DGKH: variants seen among roughly 807,000 people sequenced by gnomAD.
DGKH encodes the protein diacylglycerol kinase eta, also known as DAG kinase eta.
Under a neutral mutation model 159.3 loss-of-function variants are expected in DGKH, and 90 were observed. The observed-to-expected ratio is 0.57, with a 90% confidence interval of 0.48 to 0.67. The LOEUF (loss-of-function observed/expected upper bound fraction) is 0.67. Ranked by LOEUF, DGKH falls within the 30% of genes least tolerant of loss-of-function variation. The pLI is 0.00. For synonymous variants in DGKH, 536 were observed against 553.8 expected (o/e 0.97, Z 0.45); for missense variants, 1,181 against 1,506.1 (o/e 0.78, Z 3.57).
rs1325765735 is a variant in DGKH, at chr13:42,240,446, T to C, written c.*11258T>C. The C allele has an allele frequency of 6.6e-6, 1 of 152,268 alleles. No individual in the cohort carries two copies. The highest frequency in any genetic ancestry group is 6.5e-5 in the Admixed American group (1 of 15,288). 9.4% of individuals were successfully genotyped at this position (152,268 alleles called of 1,614,324 possible). On this transcript the variant is annotated 3_prime_UTR_variant, in exon 30 of 30. Transcript: ENST00000337343. ...CAAACTCTTATTTGTAATTCTTAAA[T>C]ATGCCCTAAAGATCATCTTTCTCTT...
chr13:42,043,654 A>T (rs1157162273), upstream of DGKH: 1 of 152,216 alleles, frequency 6.6e-6, no homozygotes, highest in Non-Finnish European at 1.5e-5. Context: ...AATATAGGCA[A>T]CTTAATGCTT....
At chr13:42,171,496 G>T (rs377379034) in intron 11 of DGKH, among the ~76,000 whole-genome samples, 1 of 152,070 alleles carries the variant, frequency 6.6e-6, no homozygotes, top group African/African-American at 2.4e-5. Flanking sequence ...ATTTCCTATC[G>T]AGTGGGGAGG....
chr13:42,052,718 A>G (rs1212088167), intron 1 of DGKH, among the ~76,000 whole-genome samples: 1 of 152,260 alleles, frequency 6.6e-6, no homozygotes, highest in Non-Finnish European at 1.5e-5. Flanking sequence ...TTGTTGGCCC[A>G]TGAATACTGC....
At chr13:42,069,357 AT>A in intron 1 of DGKH, 1 of 1,441,020 alleles carries the variant, frequency 6.9e-7, no homozygotes, top group Non-Finnish European at 9.6e-7. Context: ...CAGATTTGCC[AT>A]TCCTTTTTCC....
chr13:42,195,069 G>C, intron 17 of DGKH, 53 bp downstream of exon 17: 1 of 1,589,006 alleles, frequency 6.3e-7, no homozygotes, highest in Non-Finnish European at 8.6e-7. Flanking sequence ...GTGAAAAGGT[G>C]TAAGTATTTA....
At chr13:42,184,860 C>T (rs1257255476) in intron 13 of DGKH, among the ~76,000 whole-genome samples, 1 of 138,650 alleles carries the variant, frequency 7.2e-6, no homozygotes, top group Non-Finnish European at 1.6e-5. Flanking sequence ...GAGCAAGACC[C>T]CCATCTCTAA....
chr13:42,151,515 G>GTA (rs761492329), intron 3 of DGKH, among the ~76,000 whole-genome samples: 17 of 100,896 alleles, frequency 1.7e-4, no homozygotes, highest in South Asian at 1.4e-3. Context: ...GTATACACAT[G>GTA]TATATATATA....
intron 1 of DGKH, among the ~76,000 whole-genome samples, chr13:42,105,415 C>A (rs1380793468): frequency 6.6e-6 from 1 of 152,206 alleles, no homozygotes; most frequent in African/African-American, 2.4e-5. Flanking sequence ...CACCACCACA[C>A]TGGGGATCAA....
At chr13:42,216,843 A>C (rs577547136) in intron 26 of DGKH, among the ~76,000 whole-genome samples, 1 of 152,328 alleles carries the variant, frequency 6.6e-6, no homozygotes, top group East Asian at 1.9e-4. Context: ...TTTTAACCAG[A>C]ATCTTCTGCT....
At chr13:42,152,135 T>C (rs925317038) in intron 3 of DGKH, among the ~76,000 whole-genome samples, 1 of 152,188 alleles carries the variant, frequency 6.6e-6, no homozygotes, top group Non-Finnish European at 1.5e-5. Flanking sequence ...CTATTTGTTG[T>C]TGTCATTTTG....
intron 3 of DGKH, among the ~76,000 whole-genome samples, chr13:42,152,879 G>A (rs1955947466): frequency 6.6e-6 from 1 of 152,106 alleles, no homozygotes; most frequent in South Asian, 2.1e-4. Context: ...GGAGCACATG[G>A]GCCAGCAGGT....
chr13:42,061,645 GT>G (rs1882178328), intron 1 of DGKH, among the ~76,000 whole-genome samples: 1 of 151,992 alleles, frequency 6.6e-6, no homozygotes, highest in Admixed American at 6.5e-5. Context: ...CTCTACTCCA[GT>G]GCCAGAGTTA....
At chr13:42,075,657 A>G (rs1184529657) in intron 1 of DGKH, among the ~76,000 whole-genome samples, 1 of 152,146 alleles carries the variant, frequency 6.6e-6, no homozygotes, top group East Asian at 1.9e-4. Flanking sequence ...ACTAACTGAA[A>G]CTTAAGAAAG....
intron 1 of DGKH, among the ~76,000 whole-genome samples, chr13:42,071,291 A>G (rs1488960589): frequency 6.6e-6 from 1 of 152,216 alleles, no homozygotes; most frequent in Non-Finnish European, 1.5e-5. Context: ...AAAGCTCAAA[A>G]AGCTCTACTC....
intron 7 of DGKH, among the ~76,000 whole-genome samples, chr13:42,163,966 G>A (rs1464548094): frequency 6.6e-6 from 1 of 152,054 alleles, no homozygotes; most frequent in Non-Finnish European, 1.5e-5. Flanking sequence ...GTAATGCCTA[G>A]GTTTTCTTCT....
intron 24 of DGKH, among the ~76,000 whole-genome samples, chr13:42,213,876 T>C (rs1372811827): frequency 2.6e-5 from 4 of 152,200 alleles, no homozygotes; most frequent in East Asian, 1.9e-4. Context: ...TTTTCAGGAC[T>C]ATTCTTAGAG....
At chr13:42,073,167 A>G (rs1291899103) in intron 1 of DGKH, among the ~76,000 whole-genome samples, 3 of 152,152 alleles carry the variant, frequency 2.0e-5, no homozygotes, top group South Asian at 2.1e-4. Flanking sequence ...TTTGCTATCT[A>G]TTTGGTAAGA....
At chr13:42,158,571 CT>C (rs1566141534) in intron 5 of DGKH, among the ~76,000 whole-genome samples, 1 of 151,834 alleles carries the variant, frequency 6.6e-6, no homozygotes, top group Non-Finnish European at 1.5e-5. Flanking sequence ...TTATAAGTTC[CT>C]TTTGATAATA....
In DGKH at chr13:42,209,386, A is replaced by T; in HGVS notation, c.2771A>T (p.Asp924Val). The T allele has an allele frequency of 6.2e-7, 1 of 1,613,838 alleles. No homozygotes were observed. The highest frequency in any genetic ancestry group is 8.5e-7 in the Non-Finnish European group (1 of 1,179,834). ...FGDEGVPVQV[D>V]GEAWVQPPGI... ...GACGAAGGAGTCCCAGTGCAAGTGGATGGTGAAGCGTGGGTTCAGCCTCCA... is the reference window on the plus strand; with the variant it reads ...GACGAAGGAGTCCCAGTGCAAGTGGTTGGTGAAGCGTGGGTTCAGCCTCCA... The change falls in exon 23 of 30, where the codon GAT becomes GTT. Residue 924 changes from aspartate to valine, a missense_variant. Around this residue, in one of 5 missense-constraint regions of DGKH, gnomAD observed 335 missense variants for 495.2 expected, o/e 0.68. Transcript: ENST00000337343.
Sources: gnomAD v4.1 joint callset for allele counts (sites outside exome capture counted in the v4.1 genomes callset) on GRCh38, gnomAD v4.1.1 for gene constraint, gnomAD v4.1.1 regional missense constraint, MANE v1.5 for transcripts, NCBI Gene and HGNC (gene_info 2026-07-23, HGNC 2026-07-21) for gene names.